OSCP1: variants seen among roughly 807,000 people sequenced by gnomAD.
The protein encoded by OSCP1 is protein OSCP1.
In OSCP1, 35 loss-of-function variants were observed where a neutral mutation model predicts 45.1. The ratio of observed to expected loss-of-function variants is 0.78; its 90% CI spans 0.59 to 1.03. The LOEUF is 1.03. OSCP1 is among the 50% of genes least tolerant of loss of function. The probability of loss-of-function intolerance (pLI) is 0.00; values close to 1 mark genes in which losing one functional copy is unlikely to be tolerated. For missense variants in OSCP1, 400 were observed against 470.7 expected (o/e 0.85, Z 1.39); for synonymous variants, 179 against 180.1 (o/e 0.99, Z 0.05).
chr1:36,425,329 T>C (rs1197213464), intron 4 of OSCP1, among the ~76,000 whole-genome samples: 2 of 152,270 alleles, frequency 1.3e-5, no homozygotes, highest in African/African-American at 2.4e-5. Flanking sequence ...TTTTGGGAAA[T>C]TACACAACCT....
intron 9 of OSCP1, chr1:36,418,579 GAA>G: frequency 2.7e-6 from 1 of 365,860 alleles, no homozygotes; most frequent in Non-Finnish European, 5.0e-6. Flanking sequence ...AATCCTGCTT[GAA>G]AAAGAGGGTC....
intron 4 of OSCP1, among the ~76,000 whole-genome samples, chr1:36,429,338 A>C (rs894513886): frequency 2.0e-5 from 3 of 150,694 alleles, no homozygotes; most frequent in Non-Finnish European, 4.4e-5. Flanking sequence ...GTGAGCCATG[A>C]TTGTGCCACC....
At chr1:36,426,443 C>T (rs2124780719) in intron 4 of OSCP1, among the ~76,000 whole-genome samples, 1 of 152,260 alleles carries the variant, frequency 6.6e-6, no homozygotes, top group East Asian at 1.9e-4. Context: ...TCTCAAGGTC[C>T]CACTCCAGCT....
chr1:36,435,066 C>CTTCCT (rs1648622242), intron 2 of OSCP1, among the ~76,000 whole-genome samples: 1 of 148,896 alleles, frequency 6.7e-6, no homozygotes, highest in African/African-American at 2.5e-5. Context: ...GAAATTTAAA[C>CTTCCT]TTCCTTTTCT....
intron 2 of OSCP1, among the ~76,000 whole-genome samples, chr1:36,436,692 T>C (rs2124799919): frequency 6.6e-6 from 1 of 152,266 alleles, no homozygotes; most frequent in Non-Finnish European, 1.5e-5. Flanking sequence ...GTAAAGGAAT[T>C]ATTATTATAT....
intron 1 of OSCP1, among the ~76,000 whole-genome samples, chr1:36,440,390 C>A (rs781178510): frequency 6.6e-6 from 1 of 152,182 alleles, no homozygotes; most frequent in Non-Finnish European, 1.5e-5. Context: ...ACATCCCCAA[C>A]ACACACACCC....
At chr1:36,433,574 C>T (rs77719336) in intron 2 of OSCP1, among the ~76,000 whole-genome samples, 1 of 152,076 alleles carries the variant, frequency 6.6e-6, no homozygotes, top group Non-Finnish European at 1.5e-5. Context: ...GATGGGCTCA[C>T]TTGTACCCCA....
rs151147935 is a variant in OSCP1, at chr1:36,418,185, C to T, written c.1094G>A (p.Ser365Asn). Residue 365 changes from serine to asparagine, a missense_variant, in exon 10 of 10, where the codon AGC (serine) becomes AAC (asparagine). Physicochemically the swap from Ser to Asn is conservative, Grantham distance 46. Coordinates refer to ENST00000235532, the MANE Select transcript of OSCP1 (RefSeq NM_145047.5). ...GAGCAAATCGTCCCCTTTGCTGGTG[C>T]TCAGCCTTGGCTGCTCCGTGATCTC... ...EFEITEQPRL[S>N]TSKGDDLLAM... 180 of 1,614,218 alleles carry T rather than the reference C, an allele frequency of 1.1e-4. 2 individuals are homozygous for T. In the East Asian group the frequency reaches 3.9e-3, roughly 35 times the overall value.
chr1:36,436,469 G>A (rs1482972220), intron 2 of OSCP1, among the ~76,000 whole-genome samples: 1 of 151,862 alleles, frequency 6.6e-6, no homozygotes. Flanking sequence ...TTGAACTCCT[G>A]GGCTCAAGCG....
chr1:36,446,210 A>G (rs1274390691), intron 1 of OSCP1, among the ~76,000 whole-genome samples: 2 of 151,076 alleles, frequency 1.3e-5, no homozygotes, highest in African/African-American at 4.9e-5. Context: ...TTTTGTAGAG[A>G]TGGGTTTTCA....
At chr1:36,425,331 A>T (rs769952163) in intron 4 of OSCP1, among the ~76,000 whole-genome samples, 2 of 152,226 alleles carry the variant, frequency 1.3e-5, no homozygotes, top group Non-Finnish European at 2.9e-5. Context: ...TTGGGAAATT[A>T]CACAACCTTT....
Position 36,448,866 on chromosome 1 carries a change from G to A in OSCP1, c.112+1392C>T, listed in dbSNP as rs186414709. Among the ~76,000 whole-genome samples the A allele has an allele frequency of 2.1e-4, 32 of 152,356 alleles. No homozygotes were observed. In the East Asian group the frequency reaches 6.0e-3, roughly 28 times the overall value. On this transcript the variant is annotated intron_variant, in intron 1 of 9. Transcript: ENST00000235532. Reference sequence around the variant, plus strand: ...AAGGGCCCTGAAATGGCCTGTGCAAGGACTTGGTCTTAACCCAGATGGCAG... The same window carrying A: ...AAGGGCCCTGAAATGGCCTGTGCAAAGACTTGGTCTTAACCCAGATGGCAG...
chr1:36,428,924 G>A (rs1306973463), intron 4 of OSCP1, among the ~76,000 whole-genome samples: 3 of 152,186 alleles, frequency 2.0e-5, no homozygotes. Flanking sequence ...CAGACAGAGT[G>A]AGACTCTGTC....
chr1:36,425,189 A>T (rs1486225867), intron 4 of OSCP1, among the ~76,000 whole-genome samples: 1 of 147,836 alleles, frequency 6.8e-6, no homozygotes, highest in Non-Finnish European at 1.5e-5. Flanking sequence ...AAAAAAAAAA[A>T]TGGAAAGAAT....
intron 8 of OSCP1, 73 bp from the exon 9 acceptor site, chr1:36,419,127 G>A (rs974261299): frequency 7.4e-7 from 1 of 1,356,212 alleles, no homozygotes; most frequent in African/African-American, 1.4e-5. Flanking sequence ...ACTGGCTCTT[G>A]ATCAGTTGGC....
chr1:36,423,023 G>GTAA (rs3052825), intron 5 of OSCP1, 127 bp from the exon 6 acceptor site: 161 of 525,098 alleles, frequency 3.1e-4, no homozygotes, highest in African/African-American at 1.2e-3. Context: ...GGTGCTGGTT[G>GTAA]TAATAATAAT....
intron 3 of OSCP1, among the ~76,000 whole-genome samples, chr1:36,432,179 G>A (rs1478983525): frequency 6.6e-6 from 1 of 152,160 alleles, no homozygotes; most frequent in African/African-American, 2.4e-5. Flanking sequence ...GAAAAGTGAG[G>A]AGAAAATGGC....
At chr1:36,441,623 G>C (rs1219009135) in intron 1 of OSCP1, among the ~76,000 whole-genome samples, 1 of 151,236 alleles carries the variant, frequency 6.6e-6, no homozygotes, top group Non-Finnish European at 1.5e-5. Flanking sequence ...GTGATGGCGG[G>C]CGCCTGCAGT....
chr1:36,432,708 T>C, intron 2 of OSCP1, 119 bp from the exon 3 acceptor site: 1 of 1,144,518 alleles, frequency 8.7e-7, no homozygotes, highest in Non-Finnish European at 1.3e-6. Context: ...GCCATACAGC[T>C]CGGGGGACCA....
Sources: allele counts gnomAD v4.1 joint callset (sites outside exome capture counted in the v4.1 genomes callset), GRCh38; gene constraint gnomAD v4.1.1; transcripts MANE v1.5; gene names NCBI Gene and HGNC (gene_info 2026-07-23, HGNC 2026-07-21).